DLC1: variants seen among roughly 807,000 people sequenced by gnomAD.
DLC1 encodes the protein DLC1 Rho GTPase activating protein, also known as rho GTPase-activating protein 7.
Under a neutral mutation model 140.3 loss-of-function variants are expected in DLC1, and 54 were observed. The observed-to-expected ratio is 0.38, with a 90% CI of 0.31 to 0.48. The LOEUF is 0.48. Among genes scored for constraint, DLC1 ranks in the 20% least tolerant of loss-of-function variants. The probability of loss-of-function intolerance (pLI) is 0.96; values close to 1 mark genes in which losing one functional copy is unlikely to be tolerated. For synonymous variants in DLC1, 986 were observed against 728.1 expected (o/e 1.35, Z -5.70); for missense variants, 2,536 against 1,907.0 (o/e 1.33, Z -6.14).
chr8:13,358,691 C>CAA (rs35603108), intron 4 of DLC1, among the ~76,000 whole-genome samples: 1,594 of 149,298 alleles, frequency 0.011, 26 homozygotes, highest in African/African-American at 0.034. Flanking sequence ...AGGAAGGAGC[C>CAA]AAAAAAAAAT....
intron 4 of DLC1, among the ~76,000 whole-genome samples, chr8:13,354,189 C>T (rs1189937592): frequency 6.6e-6 from 1 of 152,098 alleles, no homozygotes; most frequent in Non-Finnish European, 1.5e-5. Context: ...CTTACATATG[C>T]CAACCTTTTT....
In DLC1 at chr8:13,085,827, T is replaced by C; in HGVS notation, c.4571A>G (p.Asp1524Gly). ...SFSNQNTETK[D>G]TKSR The stretch of plus-strand genomic sequence containing the variant: ...CTTCAGTGATCACCTAGATTTGGTG[T>C]CTTTGGTTTCAGTGTTCTGGTTACT... Residue 1524 changes from aspartate to glycine, a missense_variant, in exon 18 of 18, where the codon GAC (aspartate) becomes GGC (glycine). By Grantham distance (94) the Asp-to-Gly change is moderately conservative. Coordinates refer to ENST00000276297, the MANE Select transcript of DLC1 (RefSeq NM_182643.3). 1 of 1,614,158 alleles carries C rather than the reference T, an allele frequency of 6.2e-7. No individual in the cohort carries two copies. Among genetic ancestry groups the C allele is most frequent in the Non-Finnish European group, 8.5e-7 (1 of 1,180,036 alleles).
intron 5 of DLC1, among the ~76,000 whole-genome samples, chr8:13,245,929 T>G (rs2117262613): frequency 6.6e-6 from 1 of 152,270 alleles, no homozygotes; most frequent in East Asian, 1.9e-4. Flanking sequence ...CTTGAACTCC[T>G]GACCTCAAGT....
intron 5 of DLC1, among the ~76,000 whole-genome samples, chr8:13,300,384 G>A (rs1586094253): frequency 1.3e-5 from 2 of 152,090 alleles, no homozygotes; most frequent in East Asian, 3.8e-4. Context: ...CATGACACAC[G>A]TTTACCTACG....
intron 1 of DLC1, among the ~76,000 whole-genome samples, chr8:13,528,523 AT>A (rs1475139654): frequency 6.6e-6 from 1 of 152,162 alleles, no homozygotes; most frequent in Admixed American, 6.6e-5. Flanking sequence ...GGAAGGTTGA[AT>A]TTCACTACCA....
chr8:13,398,296 T>TC (rs34333081), intron 3 of DLC1, among the ~76,000 whole-genome samples: 130,978 of 152,026 alleles, frequency 0.86, 56,511 homozygotes, highest in East Asian at 0.98. Flanking sequence ...CTCTTCCCCA[T>TC]CACATCTCTT....
chr8:13,249,477 G>T (rs1829910883), intron 5 of DLC1, among the ~76,000 whole-genome samples: 1 of 152,000 alleles, frequency 6.6e-6, no homozygotes, highest in Non-Finnish European at 1.5e-5. Context: ...TCCTTGTCAT[G>T]GTACCCACTG....
At chr8:13,443,359 A>C (rs1442293603) in intron 2 of DLC1, among the ~76,000 whole-genome samples, 1 of 151,382 alleles carries the variant, frequency 6.6e-6, no homozygotes. Flanking sequence ...AAAAAAAAAA[A>C]AAAAAACTGC....
rs144164267 is a variant in DLC1 at position 13,466,774 on chromosome 8, G to T, written c.1023+32275C>A. ...ATACACCAAAGTTCTATGTACATTAGATTTTTTCAGGCTTTATTTTTTAAT... is the reference window on the plus strand; with the variant it reads ...ATACACCAAAGTTCTATGTACATTATATTTTTTCAGGCTTTATTTTTTAAT... On this transcript the variant is annotated intron_variant, in intron 2 of 17. Transcript: ENST00000276297. 1.1e-4 allele frequency among the ~76,000 whole-genome samples: 16 copies of T among 152,202 alleles called. No homozygotes were observed. In the East Asian group the frequency reaches 3.1e-3, roughly 29 times the overall value.
Position 13,424,404 on chromosome 8 carries a change from C to T in DLC1, c.1024-22785G>A, listed in dbSNP as rs573992972. Among the ~76,000 whole-genome samples, 28 of 151,978 alleles carry T rather than the reference C, an allele frequency of 1.8e-4. No individual in the cohort carries two copies. In the East Asian group the frequency reaches 5.3e-3, roughly 29 times the overall value. On this transcript the variant is annotated intron_variant, in intron 2 of 17. Coordinates refer to ENST00000276297, the MANE Select transcript of DLC1 (RefSeq NM_182643.3). Reference sequence around the variant, plus strand: ...CTCTGGAGGCTGAGACAGGAGAATTCCTTGAACCCTGGAGGCAGAGGTTGC... The same window carrying T: ...CTCTGGAGGCTGAGACAGGAGAATTTCTTGAACCCTGGAGGCAGAGGTTGC...
intron 1 of DLC1, among the ~76,000 whole-genome samples, chr8:13,574,746 T>C (rs78444556): frequency 0.034 from 5,158 of 152,260 alleles, 160 homozygotes; most frequent in Non-Finnish European, 0.044. Flanking sequence ...GAGATAGAAG[T>C]GGTGATGCCA....
At chr8:13,379,712 G>C (rs966010595) in intron 4 of DLC1, among the ~76,000 whole-genome samples, 13 of 152,172 alleles carry the variant, frequency 8.5e-5, no homozygotes, top group Non-Finnish European at 1.8e-4. Flanking sequence ...AGGTATAAAT[G>C]TGCCATGGTG....
intron 3 of DLC1, among the ~76,000 whole-genome samples, chr8:13,393,894 A>C (rs1195665905): frequency 6.6e-6 from 1 of 152,204 alleles, no homozygotes; most frequent in East Asian, 1.9e-4. Flanking sequence ...GAGGGTCTGC[A>C]AATACTTGAG....
chr8:13,472,389 A>T (rs977674071), intron 2 of DLC1, among the ~76,000 whole-genome samples: 2 of 152,150 alleles, frequency 1.3e-5, no homozygotes, highest in African/African-American at 4.8e-5. Context: ...TTGTAGATAT[A>T]TTTCTGTTTT....
At chr8:13,518,534 G>A (rs566987998), upstream of DLC1, among the ~76,000 whole-genome samples, 1 of 152,204 alleles carries the variant, frequency 6.6e-6, no homozygotes, top group Non-Finnish European at 1.5e-5. Context: ...GAATTATTCA[G>A]TGTCTCTCAT....
In DLC1 at chr8:13,198,905, C is replaced by T. The variant is rs537873855; in HGVS notation, c.1349-83248G>A. Among the ~76,000 whole-genome samples, 16 of 151,810 alleles carry T rather than the reference C, an allele frequency of 1.1e-4. No homozygotes were observed. The East Asian group carries it at 1.4e-3, about 13-fold the overall frequency. On this transcript the variant is annotated intron_variant, in intron 5 of 17. Coordinates refer to ENST00000276297, the MANE Select transcript of DLC1 (RefSeq NM_182643.3). ...CTAATTTTTGTATTTTTAGTAGAGACGGGGTTTCATGATGTTGGCCAGACT... is the reference window on the plus strand; with the variant it reads ...CTAATTTTTGTATTTTTAGTAGAGATGGGGTTTCATGATGTTGGCCAGACT...
chr8:13,243,025 T>G (rs746160834), intron 5 of DLC1, among the ~76,000 whole-genome samples: 74 of 151,920 alleles, frequency 4.9e-4, no homozygotes, highest in Middle Eastern at 3.4e-3. Context: ...GAGGTCTGGT[T>G]GTTTAAAAGT....
intron 5 of DLC1, among the ~76,000 whole-genome samples, chr8:13,231,927 C>T (rs1000545656): frequency 2.6e-5 from 4 of 152,114 alleles, no homozygotes; most frequent in Admixed American, 6.6e-5. Context: ...CTGTTGGGGT[C>T]GCCAGAAAAC....
chr8:13,372,535 G>A (rs1318994253), intron 4 of DLC1, among the ~76,000 whole-genome samples: 1 of 152,136 alleles, frequency 6.6e-6, no homozygotes, highest in African/African-American at 2.4e-5. Flanking sequence ...CTTCCTTTAA[G>A]TGTTTGCATT....
Sources: gnomAD v4.1 joint callset for allele counts (sites outside exome capture counted in the v4.1 genomes callset) on GRCh38, gnomAD v4.1.1 for gene constraint, MANE v1.5 for transcripts, NCBI Gene and HGNC (gene_info 2026-07-23, HGNC 2026-07-21) for gene names.